KCNH5: variants seen among roughly 807,000 people sequenced by gnomAD.
KCNH5 encodes potassium voltage-gated channel subfamily H member 5.
In KCNH5, 46 loss-of-function variants were observed where a neutral mutation model predicts 96.1. The ratio of observed to expected loss-of-function variants is 0.48; its 90% CI spans 0.38 to 0.61. The LOEUF (loss-of-function observed/expected upper bound fraction) is 0.61. KCNH5 is among the 20% of genes least tolerant of loss of function. The pLI is 0.00. For synonymous variants in KCNH5, 439 were observed against 449.8 expected (o/e 0.98, Z 0.30); for missense variants, 907 against 1,225.8 (o/e 0.74, Z 3.88).
chr14:62,941,008 G>A (rs1046022523), intron 7 of KCNH5, among the ~76,000 whole-genome samples: 2 of 152,150 alleles, frequency 1.3e-5, no homozygotes, highest in African/African-American at 4.8e-5. Flanking sequence ...GATGGGGATG[G>A]AGAGAGTAAG....
chr14:62,786,754 A>C (rs1444755441), intron 9 of KCNH5, among the ~76,000 whole-genome samples: 1 of 152,088 alleles, frequency 6.6e-6, no homozygotes, highest in Non-Finnish European at 1.5e-5. Context: ...CAGTATTTCT[A>C]ATTTTTTCAT....
intron 7 of KCNH5, among the ~76,000 whole-genome samples, chr14:62,931,421 G>A (rs759805688): frequency 6.6e-6 from 1 of 152,040 alleles, no homozygotes; most frequent in Non-Finnish European, 1.5e-5. Flanking sequence ...GAGGGTTGAC[G>A]ACATGTATAT....
chr14:62,708,555 C>A, intron 10 of KCNH5, 100 bp from the exon 11 acceptor site: 2 of 666,852 alleles, frequency 3.0e-6, no homozygotes, highest in Non-Finnish European at 4.7e-6. Flanking sequence ...CAAAGAAAAC[C>A]CTTGAATATT....
intron 10 of KCNH5, among the ~76,000 whole-genome samples, chr14:62,742,388 T>G (rs982740692): frequency 2.0e-5 from 3 of 152,346 alleles, no homozygotes; most frequent in South Asian, 2.1e-4. Context: ...CATAGATTGA[T>G]TCTATGTCGA....
intron 8 of KCNH5, among the ~76,000 whole-genome samples, chr14:62,826,998 T>C (rs1047112071): frequency 2.6e-5 from 4 of 152,076 alleles, no homozygotes; most frequent in African/African-American, 9.7e-5. Context: ...AGAAAAATAA[T>C]CTTATAAATG....
chr14:62,867,135 C>T (rs769691699), intron 7 of KCNH5, among the ~76,000 whole-genome samples: 1 of 152,208 alleles, frequency 6.6e-6, no homozygotes, highest in Non-Finnish European at 1.5e-5. Context: ...CCACACAGAA[C>T]ACTTCCTCCC....
chr14:63,024,888 T>C (rs539185297), intron 1 of KCNH5, among the ~76,000 whole-genome samples: 1 of 152,276 alleles, frequency 6.6e-6, no homozygotes, highest in Non-Finnish European at 1.5e-5. Flanking sequence ...CAAACTCATT[T>C]TAGGAGGCCA....
intron 6 of KCNH5, among the ~76,000 whole-genome samples, chr14:62,964,408 T>C (rs895349342): frequency 5.3e-5 from 8 of 152,096 alleles, no homozygotes; most frequent in East Asian, 1.9e-4. Context: ...CCAGTCATTA[T>C]CTATATCCTA....
At chr14:62,973,444 C>T (rs1890446373) in intron 6 of KCNH5, among the ~76,000 whole-genome samples, 1 of 152,190 alleles carries the variant, frequency 6.6e-6, no homozygotes, top group South Asian at 2.1e-4. Flanking sequence ...GATCTGCCCT[C>T]ATGCATGGAT....
At chr14:63,010,450 A>G (rs1891203861) in intron 2 of KCNH5, among the ~76,000 whole-genome samples, 1 of 152,120 alleles carries the variant, frequency 6.6e-6, no homozygotes, top group African/African-American at 2.4e-5. Context: ...GCAGTGTGTC[A>G]CTGTGTCTTA....
intron 6 of KCNH5, among the ~76,000 whole-genome samples, chr14:62,979,026 G>A (rs1477698098): frequency 6.6e-6 from 1 of 152,146 alleles, no homozygotes; most frequent in Non-Finnish European, 1.5e-5. Flanking sequence ...TCTAACTGAA[G>A]TTTTGTATTC....
intron 9 of KCNH5, among the ~76,000 whole-genome samples, chr14:62,798,475 A>T (rs189450676): frequency 5.0e-4 from 76 of 152,310 alleles, no homozygotes; most frequent in African/African-American, 1.6e-3. Context: ...AGGAACTAAA[A>T]AGGAATAAGA....
At chr14:62,935,877 T>C (rs1377872872) in intron 7 of KCNH5, among the ~76,000 whole-genome samples, 1 of 152,154 alleles carries the variant, frequency 6.6e-6, no homozygotes, top group Non-Finnish European at 1.5e-5. Context: ...CTGGCTCCCA[T>C]GAAGTCACTT....
At chr14:63,023,396 CTT>C (rs1182184386) in intron 1 of KCNH5, among the ~76,000 whole-genome samples, 1 of 152,016 alleles carries the variant, frequency 6.6e-6, no homozygotes, top group Admixed American at 6.6e-5. Context: ...GCAGGGTTCT[CTT>C]TTTATATAAT....
intron 10 of KCNH5, among the ~76,000 whole-genome samples, chr14:62,720,941 A>T (rs1884800654): frequency 6.6e-6 from 1 of 152,244 alleles, no homozygotes; most frequent in Non-Finnish European, 1.5e-5. Context: ...AAGAAGCGAT[A>T]GGATAACTGA....
chr14:63,001,257 G>C, intron 4 of KCNH5, 74 bp downstream of exon 4: 1 of 1,357,732 alleles, frequency 7.4e-7, no homozygotes, highest in Non-Finnish European at 9.9e-7. Flanking sequence ...AGTTCAATCA[G>C]CAGAGGTAAA....
At chr14:62,712,604 C>T (rs527440496) in intron 10 of KCNH5, 223 of 736,246 alleles carry the variant, frequency 3.0e-4, no homozygotes, top group Non-Finnish European at 5.1e-4. Context: ...TTTATACTTT[C>T]TCCTGGACTC....
Position 62,707,944 on chromosome 14 carries a change from G to C in KCNH5, c.2531C>G (p.Pro844Arg). The stretch of plus-strand genomic sequence containing the variant: ...ACTGTTCTCTGAATCACTGCTCTTG[G>C]GGTCCTCAGACAATAGCCCCATTGA... ...AESMGLLSED[P>R]KSSDSENSVT... The change falls in exon 11 of 11, where the codon CCC becomes CGC. Residue 844 changes from proline (P) to arginine (R), a missense_variant. By Grantham distance (103) the Pro-to-Arg change is moderately radical (BLOSUM62 -2). Around this residue, in one of 6 missense-constraint regions of KCNH5, gnomAD observed 362 missense variants for 394.4 expected, o/e 0.92. Coordinates refer to ENST00000322893, the MANE Select transcript of KCNH5 (RefSeq NM_139318.5). The C allele has an allele frequency of 1.2e-6, 2 of 1,614,048 alleles. No individual in the cohort carries two copies. The highest frequency in any genetic ancestry group is 1.7e-6 in the Non-Finnish European group (2 of 1,180,000).
At chr14:62,784,085 G>A (rs1462458788) in intron 9 of KCNH5, among the ~76,000 whole-genome samples, 6 of 152,110 alleles carry the variant, frequency 3.9e-5, no homozygotes, top group Non-Finnish European at 1.5e-5. Flanking sequence ...AAGAAAAGAG[G>A]TTTAATTGAC....
Sources: allele counts gnomAD v4.1 joint callset (sites outside exome capture counted in the v4.1 genomes callset), GRCh38; gene constraint gnomAD v4.1.1; regional missense constraint gnomAD v4.1.1; transcripts MANE v1.5; gene names NCBI Gene and HGNC (gene_info 2026-07-23, HGNC 2026-07-21).